CNTNAP2: variants seen among roughly 807,000 people sequenced by gnomAD.
CNTNAP2 encodes contactin associated protein 2, also known as contactin-associated protein-like 2.
CNTNAP2 carries 98 observed loss-of-function variants against 155.2 expected under a neutral mutation model. The observed-to-expected ratio is 0.63, with a 90% confidence interval of 0.54 to 0.75. The LOEUF (loss-of-function observed/expected upper bound fraction) is 0.75, where lower values mean the gene tolerates loss of function less well. CNTNAP2 is among the 30% of genes least tolerant of loss of function. The pLI is 0.00. For missense variants in CNTNAP2, 1,727 were observed against 1,688.1 expected (o/e 1.02, Z -0.40); for synonymous variants, 651 against 631.2 (o/e 1.03, Z -0.47).
chr7:146,318,488 T>C (rs1800947797), intron 1 of CNTNAP2, among the ~76,000 whole-genome samples: 1 of 152,098 alleles, frequency 6.6e-6, no homozygotes, highest in Non-Finnish European at 1.5e-5. Context: ...TGAAAATGAT[T>C]AGGCACATAC....
chr7:147,899,286 G>A (rs1563128261), intron 13 of CNTNAP2, among the ~76,000 whole-genome samples: 1 of 152,166 alleles, frequency 6.6e-6, no homozygotes, highest in Admixed American at 6.5e-5. Flanking sequence ...GCTGCAGTGA[G>A]TTATGATTGC....
intron 15 of CNTNAP2, among the ~76,000 whole-genome samples, chr7:147,992,491 C>A (rs1400509548): frequency 1.3e-5 from 2 of 152,122 alleles, no homozygotes; most frequent in African/African-American, 4.8e-5. Flanking sequence ...TTTGAACTGG[C>A]ATTTACCTAC....
At chr7:147,167,062 T>C (rs1802128698) in intron 8 of CNTNAP2, among the ~76,000 whole-genome samples, 1 of 152,124 alleles carries the variant, frequency 6.6e-6, no homozygotes, top group African/African-American at 2.4e-5. Flanking sequence ...TGAACAACCC[T>C]GACAAAAATC....
At chr7:147,515,084 G>A (rs1799095367) in intron 11 of CNTNAP2, among the ~76,000 whole-genome samples, 1 of 151,988 alleles carries the variant, frequency 6.6e-6, no homozygotes, top group East Asian at 1.9e-4. Context: ...TAATCATACT[G>A]GATGTGTTGC....
chr7:146,781,159 C>T (rs997523721), intron 2 of CNTNAP2, among the ~76,000 whole-genome samples: 2 of 148,042 alleles, frequency 1.4e-5, no homozygotes, highest in African/African-American at 2.5e-5. Context: ...ACCCGGGAGG[C>T]GGAGCTTGCA....
At chr7:147,362,251 G>A (rs1796159083) in intron 9 of CNTNAP2, among the ~76,000 whole-genome samples, 1 of 152,116 alleles carries the variant, frequency 6.6e-6, no homozygotes, top group African/African-American at 2.4e-5. Flanking sequence ...TTCCACCTCA[G>A]CCTTTCAAGT....
intron 18 of CNTNAP2, among the ~76,000 whole-genome samples, chr7:148,201,510 G>A (rs1795369908): frequency 6.6e-6 from 1 of 151,946 alleles, no homozygotes; most frequent in South Asian, 2.1e-4. Flanking sequence ...CATTTACTTT[G>A]TAAAAAAACG....
intron 1 of CNTNAP2, among the ~76,000 whole-genome samples, chr7:146,309,986 TAG>T (rs1413081827): frequency 6.6e-6 from 1 of 152,174 alleles, no homozygotes; most frequent in African/African-American, 2.4e-5. Flanking sequence ...AATTGTGACA[TAG>T]AGTTAGTGCA....
intron 18 of CNTNAP2, among the ~76,000 whole-genome samples, chr7:148,194,471 G>A (rs1795244627): frequency 1.3e-5 from 2 of 152,156 alleles, no homozygotes; most frequent in South Asian, 4.2e-4. Context: ...TATTAGTCAA[G>A]GTTCCCCAGA....
intron 1 of CNTNAP2, among the ~76,000 whole-genome samples, chr7:146,721,151 C>CTATATA (rs1165623647): frequency 0.027 from 3,467 of 129,466 alleles, 73 homozygotes; most frequent in East Asian, 0.096. Flanking sequence ...TTTATATATT[C>CTATATA]TATATATATA....
intron 21 of CNTNAP2, among the ~76,000 whole-genome samples, chr7:148,343,585 A>G (rs540240480): frequency 5.9e-5 from 9 of 152,238 alleles, no homozygotes; most frequent in Non-Finnish European, 8.8e-5. Flanking sequence ...GAATGCTACA[A>G]ACATTTGTAG....
chr7:147,533,184 T>C (rs975727839), intron 11 of CNTNAP2, among the ~76,000 whole-genome samples: 2 of 152,196 alleles, frequency 1.3e-5, no homozygotes, highest in Non-Finnish European at 2.9e-5. Flanking sequence ...TTGTTTTATT[T>C]TGATCTTAGA....
At chr7:148,119,693 T>A (rs899611101) in intron 16 of CNTNAP2, among the ~76,000 whole-genome samples, 1 of 152,226 alleles carries the variant, frequency 6.6e-6, no homozygotes, top group Non-Finnish European at 1.5e-5. Context: ...CACCGTCAGG[T>A]AAATTGCTCA....
intron 13 of CNTNAP2, among the ~76,000 whole-genome samples, chr7:147,692,453 T>A (rs1408250759): frequency 6.6e-6 from 1 of 152,114 alleles, no homozygotes; most frequent in African/African-American, 2.4e-5. Context: ...AAAGTGGCCA[T>A]ACCATTTTGC....
At position 148,172,497 on chromosome 7, in the gene CNTNAP2, C is replaced by G. The variant is rs1160805297; in HGVS notation, c.3010+19C>G. 1 of 1,604,398 alleles carries G rather than the reference C, an allele frequency of 6.2e-7. No homozygotes were observed. The highest frequency in any genetic ancestry group is 1.1e-5 in the South Asian group (1 of 90,838). On this transcript the variant is annotated intron_variant, in intron 18 of 23. Coordinates refer to ENST00000361727, the MANE Select transcript of CNTNAP2 (RefSeq NM_014141.6). ...AACAAAGGTAAGGTGGAACCCATTT[C>G]CAGAGCCACTTTTGCGTGTCTTTTT...
chr7:146,175,640 C>T (rs1798459191), intron 1 of CNTNAP2, among the ~76,000 whole-genome samples: 3 of 152,170 alleles, frequency 2.0e-5, no homozygotes, highest in African/African-American at 7.2e-5. Context: ...ATTAAGAAAA[C>T]TTTAGAGACT....
intron 8 of CNTNAP2, among the ~76,000 whole-genome samples, chr7:147,182,539 C>G (rs1802483153): frequency 6.6e-6 from 1 of 151,724 alleles, no homozygotes; most frequent in Non-Finnish European, 1.5e-5. Flanking sequence ...CAGTCCTTTC[C>G]AAATATTTAA....
chr7:146,286,746 G>A (rs1800343396), intron 1 of CNTNAP2, among the ~76,000 whole-genome samples: 1 of 152,116 alleles, frequency 6.6e-6, no homozygotes, highest in African/African-American at 2.4e-5. Flanking sequence ...CTCCCTGACT[G>A]TGGAAAGTGA....
At chr7:146,383,388 G>T (rs892173841) in intron 1 of CNTNAP2, among the ~76,000 whole-genome samples, 4 of 152,080 alleles carry the variant, frequency 2.6e-5, no homozygotes, top group Non-Finnish European at 2.9e-5. Flanking sequence ...ATACTGGAAA[G>T]GTCCTCAAAA....
Sources: gnomAD v4.1 joint callset for allele counts (sites outside exome capture counted in the v4.1 genomes callset) on GRCh38, gnomAD v4.1.1 for gene constraint, MANE v1.5 for transcripts, NCBI Gene and HGNC (gene_info 2026-07-23, HGNC 2026-07-21) for gene names.